Variants in WDR89 observed in about 807,000 individuals in gnomAD.
WDR89 encodes WD repeat domain 89, also known as WD repeat-containing protein 89.
In WDR89, 17 loss-of-function variants were observed where a neutral mutation model predicts 29.1. The observed-to-expected ratio is 0.58, with a 90% CI of 0.40 to 0.88. WDR89 has a LOEUF of 0.88. Among genes scored for constraint, WDR89 ranks in the 40% least tolerant of loss-of-function variants. The pLI is 0.00. For missense variants in WDR89, 396 were observed against 456.3 expected (o/e 0.87, Z 1.20); for synonymous variants, 138 against 157.8 (o/e 0.87, Z 0.94).
intron 1 of WDR89, among the ~76,000 whole-genome samples, chr14:63,634,688 G>C (rs1182130694): frequency 6.6e-6 from 1 of 151,972 alleles, no homozygotes; most frequent in Non-Finnish European, 1.5e-5. Context: ...TGGTCAATAT[G>C]GTGAAACCCC....
intron 2 of WDR89, chr14:63,601,864 A>C: frequency 1.5e-6 from 1 of 685,628 alleles, no homozygotes; most frequent in Non-Finnish European, 2.5e-6. Flanking sequence ...CATTCCACCG[A>C]AGTTCTGAAA....
intron 1 of WDR89, chr14:63,641,505 G>T (rs986756528): frequency 3.3e-5 from 5 of 152,282 alleles, no homozygotes; most frequent in Non-Finnish European, 7.3e-5. Flanking sequence ...AAATGAGCAA[G>T]GGCGTTTGGC....
intron 2 of WDR89, among the ~76,000 whole-genome samples, chr14:63,607,930 CGCA>C (rs1253169860): frequency 2.0e-5 from 3 of 149,888 alleles, no homozygotes; most frequent in African/African-American, 7.4e-5. Flanking sequence ...CCAGGCCGGG[CGCA>C]GCAGTGGCTC....
intron 2 of WDR89, chr14:63,617,982 CAG>C (rs879314158): frequency 4.6e-5 from 7 of 152,008 alleles, no homozygotes; most frequent in African/African-American, 9.7e-5. Context: ...AACTGAGAAA[CAG>C]AACAAGAATT....
At chr14:63,605,639 T>C (rs1005881964) in intron 2 of WDR89, among the ~76,000 whole-genome samples, 15 of 152,126 alleles carry the variant, frequency 9.9e-5, no homozygotes, top group Admixed American at 5.9e-4. Flanking sequence ...TTTGTGTTTT[T>C]AGTAGAGACA....
intron 1 of WDR89, among the ~76,000 whole-genome samples, chr14:63,638,956 T>C (rs1033614842): frequency 2.6e-5 from 4 of 152,134 alleles, no homozygotes; most frequent in Admixed American, 6.6e-5. Context: ...AGTATCCTTG[T>C]TTATCTGGGG....
intron 1 of WDR89, among the ~76,000 whole-genome samples, chr14:63,627,917 A>C (rs1883171583): frequency 6.6e-6 from 1 of 152,116 alleles, no homozygotes; most frequent in South Asian, 2.1e-4. Flanking sequence ...ACTTGACTGG[A>C]AATTTTAGTA....
intron 2 of WDR89, among the ~76,000 whole-genome samples, chr14:63,614,155 A>G (rs959407697): frequency 6.6e-6 from 1 of 151,958 alleles, no homozygotes; most frequent in East Asian, 1.9e-4. Context: ...TTAAGGGGGG[A>G]GTATTAGCAG....
intron 2 of WDR89, among the ~76,000 whole-genome samples, chr14:63,605,100 G>T (rs751629597): frequency 1.3e-5 from 2 of 152,144 alleles, no homozygotes; most frequent in South Asian, 4.1e-4. Context: ...AGGGAGCTGT[G>T]ATTGCACCAC....
rs935436874 is a variant in WDR89 at position 63,635,016 on chromosome 14, A to C, written c.-138+6788T>G. Among the ~76,000 whole-genome samples, 12 of 152,086 alleles carry C rather than the reference A, an allele frequency of 7.9e-5. No homozygotes were observed. In the East Asian group the frequency reaches 1.9e-3, roughly 24 times the overall value. Reference sequence around the variant, plus strand: ...TGTGCCACTACACTCTGTCTCCAAAAAAAAAAAAAATGGATTCACAGCAGA... The same window carrying C: ...TGTGCCACTACACTCTGTCTCCAAACAAAAAAAAAATGGATTCACAGCAGA... On this transcript the variant is annotated intron_variant, in intron 1 of 2. Coordinates refer to ENST00000620954, the MANE Select transcript of WDR89 (RefSeq NM_080666.4).
At chr14:63,633,654 T>C (rs997713712) in intron 1 of WDR89, among the ~76,000 whole-genome samples, 3 of 152,188 alleles carry the variant, frequency 2.0e-5, no homozygotes, top group African/African-American at 7.2e-5. Flanking sequence ...TGTAAAGATA[T>C]AGCAGAACTA....
Position 63,599,001 on chromosome 14 carries a change from A to G in WDR89, c.942T>C (p.Thr314=), listed in dbSNP as rs1364396504. ...TAGCAGCATGCCCTCCCTGAAGGCT[A>G]GTCACATGGGTCAGTCCTGACATGC... is the stretch of plus-strand genomic sequence containing the variant. ...NCSMSGLTHV[T]SLQGGHAATV... is the part of the protein sequence containing the mutation. Residue 314 remains threonine, a synonymous_variant, in exon 3 of 3, where the codon ACT becomes ACC. Transcript: ENST00000620954. The G allele has an allele frequency of 1.2e-6, 2 of 1,614,238 alleles. No individual in the cohort carries two copies. The highest frequency in any genetic ancestry group is 1.7e-6 in the Non-Finnish European group (2 of 1,180,032).
intron 2 of WDR89, among the ~76,000 whole-genome samples, chr14:63,605,244 G>A (rs911476365): frequency 8.0e-6 from 1 of 125,116 alleles, no homozygotes; most frequent in African/African-American, 4.4e-5. Flanking sequence ...ACACACACAC[G>A]AGCTGGGAAA....
At position 63,597,272 on chromosome 14, in the gene WDR89, A is replaced by C. The variant is rs1894839681; in HGVS notation, c.*1507T>G. ...GTAGGGGAAACCACCCCCATGATCCAATCACCTCCCACCAGGTCTCTCCCT... is the reference window on the plus strand; with the variant it reads ...GTAGGGGAAACCACCCCCATGATCCCATCACCTCCCACCAGGTCTCTCCCT... On this transcript the variant is annotated 3_prime_UTR_variant, in exon 3 of 3. Transcript: ENST00000620954. 3 of 152,206 alleles carry C rather than the reference A, an allele frequency of 2.0e-5. No individual in the cohort carries two copies. In the South Asian group the frequency reaches 6.2e-4, roughly 31 times the overall value. 9.4% of individuals were successfully genotyped at this position (152,206 alleles called of 1,614,324 possible).
chr14:63,604,240 C>T (rs1007526972), intron 2 of WDR89, among the ~76,000 whole-genome samples: 3 of 152,114 alleles, frequency 2.0e-5, no homozygotes, highest in African/African-American at 7.2e-5. Context: ...GCCTGGGCAA[C>T]AAGGCTAAAC....
intron 1 of WDR89, among the ~76,000 whole-genome samples, chr14:63,630,017 G>C (rs1414291045): frequency 6.6e-6 from 1 of 151,960 alleles, no homozygotes; most frequent in Admixed American, 6.6e-5. Flanking sequence ...GCGTGATCTT[G>C]GCTCACTGCA....
chr14:63,606,979 G>A (rs1314021002), intron 2 of WDR89, among the ~76,000 whole-genome samples: 1 of 152,146 alleles, frequency 6.6e-6, no homozygotes, highest in East Asian at 1.9e-4. Context: ...AAGTATTAAA[G>A]TACTGCTGTC....
chr14:63,640,768 G>A (rs1045702153), intron 1 of WDR89, among the ~76,000 whole-genome samples: 6 of 147,122 alleles, frequency 4.1e-5, no homozygotes, highest in Non-Finnish European at 6.0e-5. Context: ...GAGCCACCGC[G>A]CCCAGGCTTT....
In WDR89 at chr14:63,610,251, G is replaced by T. The variant is rs527298252; in HGVS notation, c.-31-10278C>A. ...AAAAAAAAAAAAAAAAAAACTCTTG[G>T]ATTACAATCCAAAGAATAAAATAAA... On this transcript the variant is annotated intron_variant, in intron 2 of 2. Coordinates refer to ENST00000620954, the MANE Select transcript of WDR89 (RefSeq NM_080666.4). Among the ~76,000 whole-genome samples, 336 of 141,790 alleles carry T rather than the reference G, an allele frequency of 2.4e-3. 1 individual carries two copies. Among genetic ancestry groups the T allele is most frequent in the African/African-American group, 9.1e-3 (333 of 36,594 alleles). The allele number at this position is 141,790 out of a possible 152,430, so 93.0% of individuals were successfully genotyped here. A position where few individuals can be genotyped will look rare whatever the true frequency, so the allele number is the denominator to read the frequency against.
Sources: gnomAD v4.1 joint callset for allele counts (sites outside exome capture counted in the v4.1 genomes callset) on GRCh38, gnomAD v4.1.1 for gene constraint, MANE v1.5 for transcripts, NCBI Gene and HGNC (gene_info 2026-07-23, HGNC 2026-07-21) for gene names.